The following GNG7 variants were observed in gnomAD, a reference collection of about 807,000 sequenced individuals.
The protein encoded by GNG7 is G protein subunit gamma 7, also known as guanine nucleotide-binding protein G(I)/G(S)/G(O) subunit gamma-7.
GNG7 carries 1 observed loss-of-function variant against 4.0 expected under a neutral mutation model. The ratio of observed to expected loss-of-function variants is 0.25; its 90% CI spans 0.09 to 1.18. GNG7 has a LOEUF of 1.18. Among genes scored for constraint, GNG7 ranks in the 50% most tolerant of loss-of-function variants. GNG7 has a pLI of 0.50. For synonymous variants in GNG7, 34 were observed against 36.9 expected (o/e 0.92, Z 0.29); for missense variants, 86 against 91.9 (o/e 0.94, Z 0.26).
At position 2,563,342 on chromosome 19, in the gene GNG7, T is replaced by C. The variant is rs1202111016; in HGVS notation, c.-77-8154A>G. On this transcript the variant is annotated intron_variant, in intron 2 of 4. Transcript: ENST00000382159. The stretch of plus-strand genomic sequence containing the variant: ...TCTGGGGTGGGGCCGTCCTCGGCAC[T>C]GTAGGCTGCTGAGCAGCGTCCCTGG... 7.2e-5 allele frequency among the ~76,000 whole-genome samples: 11 copies of C among 152,332 alleles called. No homozygotes were observed. The East Asian group carries it at 1.7e-3, about 24-fold the overall frequency.
chr19:2,636,851 G>A (rs1297389310), intron 2 of GNG7, among the ~76,000 whole-genome samples: 1 of 152,014 alleles, frequency 6.6e-6, no homozygotes, highest in Non-Finnish European at 1.5e-5. Context: ...AGACATCTGG[G>A]ATACAGTCAG....
intron 3 of GNG7, among the ~76,000 whole-genome samples, chr19:2,523,824 G>C (rs1176757677): frequency 6.6e-6 from 1 of 152,060 alleles, no homozygotes; most frequent in African/African-American, 2.4e-5. Flanking sequence ...CAATAAAAGG[G>C]GCAATTAAAC....
At position 2,514,029 on chromosome 19, in the gene GNG7, TCTA is replaced by T. The variant is rs1422742095; in HGVS notation, c.*990_*992del. On this transcript the variant is annotated 3_prime_UTR_variant, in exon 5 of 5. Transcript: ENST00000382159. ...CTGGCCAATACGGTGAAACCCCGTC[TCTA>T]CTAAAAATACAACAATTAGCCGGGC... 1 of 152,166 alleles carries T rather than the reference TCTA, an allele frequency of 6.6e-6. No homozygotes were observed. Among genetic ancestry groups the T allele is most frequent in the Non-Finnish European group, 1.5e-5 (1 of 68,088 alleles). The allele number at this position is 152,166 out of a possible 1,614,324, so 9.4% of individuals were successfully genotyped here. A position where few individuals can be genotyped will look rare whatever the true frequency, so the allele number is the denominator to read the frequency against.
chr19:2,664,707 T>C (rs1244018517), intron 1 of GNG7, among the ~76,000 whole-genome samples: 1 of 152,060 alleles, frequency 6.6e-6, no homozygotes, highest in Non-Finnish European at 1.5e-5. Flanking sequence ...TCTATTCTGG[T>C]GTCTACTGTG....
chr19:2,656,793 T>C (rs1982987757), intron 1 of GNG7, among the ~76,000 whole-genome samples: 1 of 152,174 alleles, frequency 6.6e-6, no homozygotes, highest in African/African-American at 2.4e-5. Flanking sequence ...GCACATGGCC[T>C]GCAACGCCAA....
At chr19:2,659,984 A>C (rs1983105673) in intron 1 of GNG7, among the ~76,000 whole-genome samples, 1 of 152,034 alleles carries the variant, frequency 6.6e-6, no homozygotes, top group Admixed American at 6.6e-5. Context: ...ATGAGGATCA[A>C]AATCTCCTGG....
chr19:2,699,390 C>G (rs1018843902), intron 1 of GNG7, among the ~76,000 whole-genome samples: 9 of 152,110 alleles, frequency 5.9e-5, no homozygotes, highest in African/African-American at 1.9e-4. Context: ...CTCAAGTGAT[C>G]CACCCACTTC....
At chr19:2,697,348 G>C (rs933763685) in intron 1 of GNG7, among the ~76,000 whole-genome samples, 2 of 152,156 alleles carry the variant, frequency 1.3e-5, no homozygotes, top group African/African-American at 2.4e-5. Context: ...GAGCCGATGT[G>C]GGGGAGCAAC....
chr19:2,515,181 CAT>C (rs1972716272), intron 4 of GNG7, 34 bp from the exon 5 acceptor site: 1 of 1,611,612 alleles, frequency 6.2e-7, no homozygotes, highest in African/African-American at 1.3e-5. Flanking sequence ...ACAGAGGAGA[CAT>C]AAGAAGAGGC....
At chr19:2,581,056 C>T (rs1282118184) in intron 2 of GNG7, among the ~76,000 whole-genome samples, 12 of 152,218 alleles carry the variant, frequency 7.9e-5, no homozygotes, top group South Asian at 2.1e-4. Context: ...TGGGCCACTG[C>T]GCCCGGCCTC....
intron 1 of GNG7, among the ~76,000 whole-genome samples, chr19:2,651,576 T>TC (rs1258542521): frequency 5.8e-5 from 8 of 138,488 alleles, no homozygotes; most frequent in Non-Finnish European, 1.2e-4. Flanking sequence ...TCTCTCTCTC[T>TC]TTTTTTTTTA....
At chr19:2,680,887 C>T (rs902458038) in intron 1 of GNG7, among the ~76,000 whole-genome samples, 1 of 152,008 alleles carries the variant, frequency 6.6e-6, no homozygotes, top group African/African-American at 2.4e-5. Flanking sequence ...TCACTGCAAC[C>T]TTCGTCTCCC....
chr19:2,686,974 G>C (rs917147213), intron 1 of GNG7, among the ~76,000 whole-genome samples: 1 of 151,086 alleles, frequency 6.6e-6, no homozygotes, highest in Non-Finnish European at 1.5e-5. Context: ...GGATGGTCTC[G>C]ATCTCCTGAC....
At position 2,517,479 on chromosome 19, in the gene GNG7, C is replaced by T. The variant is rs879383583; in HGVS notation, c.82-2332G>A. On this transcript the variant is annotated intron_variant, in intron 4 of 4. Coordinates refer to ENST00000382159, the MANE Select transcript of GNG7 (RefSeq NM_052847.3). Reference sequence around the variant, plus strand: ...CCCTGGGTCCAAGCAATTCTCCCACCTCAGCCTCCCAAGTGGCTGGGACTC... The same window carrying T: ...CCCTGGGTCCAAGCAATTCTCCCACTTCAGCCTCCCAAGTGGCTGGGACTC... Among the ~76,000 whole-genome samples the T allele has an allele frequency of 3.9e-5, 6 of 152,310 alleles. No individual in the cohort carries two copies. The South Asian group carries it at 1.2e-3, about 32-fold the overall frequency.
At chr19:2,565,105 C>T (rs1979859593) in intron 2 of GNG7, among the ~76,000 whole-genome samples, 1 of 152,090 alleles carries the variant, frequency 6.6e-6, no homozygotes, top group East Asian at 1.9e-4. Context: ...AACAGAAGAC[C>T]CTGAGGTGGA....
intron 3 of GNG7, among the ~76,000 whole-genome samples, chr19:2,540,692 G>C (rs989250485): frequency 3.3e-5 from 5 of 152,194 alleles, no homozygotes; most frequent in Non-Finnish European, 7.4e-5. Context: ...CTGCCGAGCA[G>C]ACAGCGAGGC....
In GNG7 at chr19:2,542,612, C is replaced by T. The variant is rs373658291; in HGVS notation, c.-38+12537G>A. Among the ~76,000 whole-genome samples the T allele has an allele frequency of 3.3e-5, 5 of 152,136 alleles. No individual in the cohort carries two copies. In the East Asian group the frequency reaches 7.7e-4, roughly 23 times the overall value. ...AGCCTGGGAGACCCTGGGCAGAGGA[C>T]GTCATTGCACCATGACCTCCAGAAC... On this transcript the variant is annotated intron_variant, in intron 3 of 4. Transcript: ENST00000382159.
chr19:2,700,333 G>A (rs1434518036), intron 1 of GNG7, among the ~76,000 whole-genome samples: 1 of 152,066 alleles, frequency 6.6e-6, no homozygotes, highest in African/African-American at 2.4e-5. Flanking sequence ...AGTAGAGACA[G>A]GTTTTCGCTA....
In GNG7 at chr19:2,669,295, G is replaced by T. The variant is rs555966900; in HGVS notation, c.-134-23015C>A. On this transcript the variant is annotated intron_variant, in intron 1 of 4. Transcript: ENST00000382159. ...TCACGAGGTCGGGAGTTCGAGACCA[G>T]CCTGACCAACATGGTGAAACCCCAT... 4.6e-5 allele frequency among the ~76,000 whole-genome samples: 7 copies of T among 152,208 alleles called. No homozygotes were observed. The East Asian group carries it at 5.8e-4, about 13-fold the overall frequency.
Sources: allele counts gnomAD v4.1 joint callset (sites outside exome capture counted in the v4.1 genomes callset), GRCh38; gene constraint gnomAD v4.1.1; transcripts MANE v1.5; gene names NCBI Gene and HGNC (gene_info 2026-07-23, HGNC 2026-07-21).